The following CNTNAP2 variants were observed in gnomAD, a reference collection of about 807,000 sequenced individuals.
CNTNAP2 encodes contactin associated protein 2, also known as contactin-associated protein-like 2.
CNTNAP2 carries 98 observed loss-of-function variants against 155.2 expected under a neutral mutation model. The observed-to-expected ratio is 0.63, with a 90% CI of 0.54 to 0.75. The LOEUF (loss-of-function observed/expected upper bound fraction) is 0.75, where lower values mean the gene tolerates loss of function less well. CNTNAP2 is among the 30% of genes least tolerant of loss of function. The pLI, the probability that CNTNAP2 is intolerant of heterozygous loss-of-function variation, is 0.00. For synonymous variants in CNTNAP2, 651 were observed against 631.2 expected, an observed-to-expected ratio of 1.03 and a Z score of -0.47; for missense variants, 1,727 against 1,688.1, an observed-to-expected ratio of 1.02 and a Z score of -0.40.
chr7:147,252,937 C>T (rs1237495405), intron 8 of CNTNAP2, among the ~76,000 whole-genome samples: 31 of 152,184 alleles, frequency 2.0e-4, no homozygotes, highest in Admixed American at 2.0e-3. Flanking sequence ...TGGATCTGAA[C>T]TCAGGAAGCC....
At chr7:147,259,329 T>A (rs2116680282) in intron 8 of CNTNAP2, among the ~76,000 whole-genome samples, 1 of 152,340 alleles carries the variant, frequency 6.6e-6, no homozygotes, top group Non-Finnish European at 1.5e-5. Flanking sequence ...AATTCTGCTA[T>A]CAAAGCTCTG....
intron 11 of CNTNAP2, among the ~76,000 whole-genome samples, chr7:147,501,868 C>T (rs1798820283): frequency 6.6e-6 from 1 of 152,096 alleles, no homozygotes; most frequent in South Asian, 2.1e-4. Flanking sequence ...CAAGCAAATT[C>T]AGTAAAGTGG....
intron 16 of CNTNAP2, among the ~76,000 whole-genome samples, chr7:148,129,578 AAG>A (rs1211203728): frequency 6.6e-6 from 1 of 152,188 alleles, no homozygotes; most frequent in African/African-American, 2.4e-5. Context: ...AAAGTAGAAA[AAG>A]AGAAAAACTC....
At chr7:147,947,639 C>CA (rs1040206193) in intron 14 of CNTNAP2, among the ~76,000 whole-genome samples, 2 of 151,650 alleles carry the variant, frequency 1.3e-5, no homozygotes, top group African/African-American at 4.8e-5. Flanking sequence ...TCTAAAAAAA[C>CA]AAAAAATAAA....
chr7:146,911,557 C>CA (rs560740963), intron 3 of CNTNAP2, among the ~76,000 whole-genome samples: 2,202 of 149,502 alleles, frequency 0.015, 58 homozygotes, highest in African/African-American at 0.051. Context: ...ATTGCAAGAA[C>CA]AAAAAACCAA....
chr7:148,067,706 G>A (rs1181968455), intron 15 of CNTNAP2, among the ~76,000 whole-genome samples: 1 of 152,218 alleles, frequency 6.6e-6, no homozygotes, highest in Non-Finnish European at 1.5e-5. Context: ...TTGGACCATA[G>A]CGCTCCCAAG....
chr7:146,207,988 C>A (rs554818928), intron 1 of CNTNAP2, among the ~76,000 whole-genome samples: 4 of 151,892 alleles, frequency 2.6e-5, no homozygotes, highest in African/African-American at 9.6e-5. Context: ...CCTAGAGATA[C>A]CATTAAGAAA....
intron 1 of CNTNAP2, among the ~76,000 whole-genome samples, chr7:146,183,596 A>G (rs1489045544): frequency 2.1e-5 from 3 of 143,152 alleles, no homozygotes; most frequent in East Asian, 4.1e-4. Context: ...AGGAGAATTT[A>G]TCACCACACA....
intron 21 of CNTNAP2, among the ~76,000 whole-genome samples, chr7:148,380,463 A>G (rs1799030930): frequency 6.6e-6 from 1 of 152,240 alleles, no homozygotes; most frequent in South Asian, 2.1e-4. Flanking sequence ...TCAGCCGCTA[A>G]TGAAACACAA....
At chr7:148,126,628 G>T (rs988117045) in intron 16 of CNTNAP2, among the ~76,000 whole-genome samples, 5 of 152,180 alleles carry the variant, frequency 3.3e-5, no homozygotes, top group African/African-American at 4.8e-5. Context: ...GAGTAGTGTT[G>T]GTTGGTCACC....
intron 11 of CNTNAP2, among the ~76,000 whole-genome samples, chr7:147,559,704 G>A (rs987993072): frequency 3.3e-5 from 5 of 152,086 alleles, no homozygotes; most frequent in African/African-American, 4.8e-5. Flanking sequence ...CTGACATCCT[G>A]GTTTCTCTTG....
chr7:146,933,694 C>T (rs1247751148), intron 3 of CNTNAP2, among the ~76,000 whole-genome samples: 2 of 149,600 alleles, frequency 1.3e-5, no homozygotes, highest in Non-Finnish European at 3.0e-5. Flanking sequence ...ACTCATCTGA[C>T]AAAGGGCTAG....
At chr7:146,336,480 G>C (rs967838151) in intron 1 of CNTNAP2, among the ~76,000 whole-genome samples, 1 of 151,350 alleles carries the variant, frequency 6.6e-6, no homozygotes, top group Non-Finnish European at 1.5e-5. Flanking sequence ...GCACATTTTT[G>C]AGCCCCAGGG....
At chr7:147,522,656 A>G (rs1799247701) in intron 11 of CNTNAP2, among the ~76,000 whole-genome samples, 1 of 152,028 alleles carries the variant, frequency 6.6e-6, no homozygotes, top group Non-Finnish European at 1.5e-5. Flanking sequence ...CAAATTTGCC[A>G]TCTTCACATT....
chr7:146,847,814 T>C (rs750925629), intron 3 of CNTNAP2, among the ~76,000 whole-genome samples: 1 of 152,178 alleles, frequency 6.6e-6, no homozygotes, highest in African/African-American at 2.4e-5. Context: ...TCCTATGCCT[T>C]GTCATATGAA....
At chr7:147,414,880 T>C (rs1405614838) in intron 10 of CNTNAP2, among the ~76,000 whole-genome samples, 1 of 130,416 alleles carries the variant, frequency 7.7e-6, no homozygotes, top group African/African-American at 3.0e-5. Flanking sequence ...GGGTGGAGCC[T>C]GCAGTGAGCC....
At chr7:147,089,967 T>A (rs1002646836) in intron 4 of CNTNAP2, among the ~76,000 whole-genome samples, 2 of 152,096 alleles carry the variant, frequency 1.3e-5, no homozygotes, top group South Asian at 2.1e-4. Context: ...GGAAGCAGAG[T>A]AGACTGAATT....
chr7:147,397,718 A>G (rs1796842793), intron 10 of CNTNAP2, among the ~76,000 whole-genome samples: 2 of 151,988 alleles, frequency 1.3e-5, no homozygotes. Flanking sequence ...AAGGGAAGGT[A>G]TAGAAAAGAA....
intron 2 of CNTNAP2, among the ~76,000 whole-genome samples, chr7:146,838,714 T>C (rs1803664189): frequency 6.6e-6 from 1 of 152,256 alleles, no homozygotes; most frequent in African/African-American, 2.4e-5. Context: ...ATTATTTGAA[T>C]ATCTGTGATG....
Sources: allele counts gnomAD v4.1 joint callset (sites outside exome capture counted in the v4.1 genomes callset), GRCh38; gene constraint gnomAD v4.1.1; transcripts MANE v1.5; gene names NCBI Gene and HGNC (gene_info 2026-07-23, HGNC 2026-07-21).